The following RAP1GDS1 variants were observed in gnomAD, a reference collection of about 807,000 sequenced individuals.
The protein encoded by RAP1GDS1 is Rap1 GTPase-GDP dissociation stimulator 1, also known as RAP1, GTP-GDP dissociation stimulator 1.
In RAP1GDS1, 35 loss-of-function variants were observed where a neutral mutation model predicts 71.1. The ratio of observed to expected loss-of-function variants is 0.49; its 90% CI spans 0.38 to 0.65. RAP1GDS1 has a LOEUF of 0.65. Among genes scored for constraint, RAP1GDS1 ranks in the 30% least tolerant of loss-of-function variants. RAP1GDS1 has a pLI of 0.00. For synonymous variants in RAP1GDS1, 229 were observed against 243.1 expected (o/e 0.94, Z 0.54); for missense variants, 663 against 706.1 (o/e 0.94, Z 0.69).
intron 1 of RAP1GDS1, among the ~76,000 whole-genome samples, chr4:98,291,507 A>G (rs1726911530): frequency 6.6e-6 from 1 of 152,148 alleles, no homozygotes; most frequent in African/African-American, 2.4e-5. Flanking sequence ...ATTTACTGTC[A>G]TGGTTTGAAG....
intron 1 of RAP1GDS1, among the ~76,000 whole-genome samples, chr4:98,280,125 G>C (rs1363868044): frequency 1.3e-5 from 2 of 152,220 alleles, no homozygotes; most frequent in African/African-American, 4.8e-5. Context: ...TATATACCCA[G>C]TAATGGGATT....
intron 2 of RAP1GDS1, among the ~76,000 whole-genome samples, chr4:98,332,978 T>C (rs1734208928): frequency 6.6e-6 from 1 of 152,156 alleles, no homozygotes. Flanking sequence ...GCTTAGACTT[T>C]TTGTTTTGTC....
intron 1 of RAP1GDS1, among the ~76,000 whole-genome samples, chr4:98,276,966 A>T (rs1724304610): frequency 6.6e-6 from 1 of 152,164 alleles, no homozygotes; most frequent in Non-Finnish European, 1.5e-5. Flanking sequence ...GGAACTGAGG[A>T]TCAGTAAGAC....
chr4:98,334,833 T>C (rs1443511037), intron 2 of RAP1GDS1, among the ~76,000 whole-genome samples: 3 of 151,460 alleles, frequency 2.0e-5, no homozygotes, highest in Admixed American at 6.6e-5. Flanking sequence ...TTTAATACTT[T>C]TTTTTTTTTA....
rs759131538 is a variant in RAP1GDS1 at position 98,404,489 on chromosome 4, A to G, written c.650A>G (p.Glu217Gly). ...TTTTATTTTACAGAGTCAAGTAAAG[A>G]ACAGTTTGCCAGTACAAACATTGCT... is the stretch of plus-strand genomic sequence containing the variant. ...GNLAELESSK[E>G]QFASTNIAEE... is the part of the protein sequence containing the mutation. The change falls in exon 7 of 15, where the codon GAA becomes GGA. Residue 217 changes from glutamate to glycine, a missense_variant. Glu to Gly is a moderately conservative substitution (Grantham distance 98, BLOSUM62 -2). Transcript: ENST00000408927. 3 of 1,599,072 alleles carry G rather than the reference A, an allele frequency of 1.9e-6. No homozygotes were observed.
At chr4:98,389,473 T>C (rs1324428543) in intron 5 of RAP1GDS1, among the ~76,000 whole-genome samples, 2 of 152,130 alleles carry the variant, frequency 1.3e-5, no homozygotes, top group African/African-American at 4.8e-5. Flanking sequence ...CCACAGTGAG[T>C]TCATCCAACT....
chr4:98,373,877 G>A lies in RAP1GDS1; in HGVS notation c.362-5140G>A, dbSNP rs60969041. On this transcript the variant is annotated intron_variant, in intron 4 of 14. Coordinates refer to ENST00000408927, the MANE Select transcript of RAP1GDS1 (RefSeq NM_001100427.2). Reference sequence around the variant, plus strand: ...ACTTGAACACAAGCACTGCGATACCGTGACAGCTGATCTGACAGTTACTTA... The same window carrying A: ...ACTTGAACACAAGCACTGCGATACCATGACAGCTGATCTGACAGTTACTTA... 3.9e-3 allele frequency among the ~76,000 whole-genome samples: 593 copies of A among 152,204 alleles called. 7 individuals are homozygous for A. Among genetic ancestry groups the A allele is most frequent in the African/African-American group, 0.013 (560 of 41,530 alleles).
At chr4:98,270,987 G>C (rs886181823) in intron 1 of RAP1GDS1, among the ~76,000 whole-genome samples, 65 of 152,066 alleles carry the variant, frequency 4.3e-4, no homozygotes, top group African/African-American at 1.6e-3. Flanking sequence ...TATGGTATAT[G>C]ATGCATATAA....
At chr4:98,358,575 A>G (rs1411044274) in intron 4 of RAP1GDS1, among the ~76,000 whole-genome samples, 7 of 151,860 alleles carry the variant, frequency 4.6e-5, no homozygotes, top group Non-Finnish European at 8.8e-5. Context: ...TCCAAGTTCT[A>G]TTTCTTGAGA....
At chr4:98,352,786 A>G (rs759297145) in intron 4 of RAP1GDS1, among the ~76,000 whole-genome samples, 185 bp downstream of exon 4, 4 of 152,352 alleles carry the variant, frequency 2.6e-5, no homozygotes, top group Admixed American at 2.0e-4. Flanking sequence ...CAAAGAAATC[A>G]TAGGAAATGA....
chr4:98,273,098 C>T lies in RAP1GDS1; in HGVS notation c.4+11529C>T, dbSNP rs181629607. On this transcript the variant is annotated intron_variant, in intron 1 of 14. Transcript: ENST00000408927. ...TCGACTTCTCATCTTCCACTACCCTCCTCATCTAGGCTCTCGTCTCCTTTG... is the reference window on the plus strand; with the variant it reads ...TCGACTTCTCATCTTCCACTACCCTTCTCATCTAGGCTCTCGTCTCCTTTG... Among the ~76,000 whole-genome samples, 172 of 152,254 alleles carry T rather than the reference C, an allele frequency of 1.1e-3. 1 individual carries two copies. In the South Asian group the frequency reaches 0.018, roughly 16 times the overall value.
chr4:98,266,368 T>C (rs1024191467), intron 1 of RAP1GDS1, among the ~76,000 whole-genome samples: 3 of 152,140 alleles, frequency 2.0e-5, no homozygotes, highest in Non-Finnish European at 4.4e-5. Context: ...AATGGTTTTA[T>C]CACTTTTACT....
chr4:98,381,561 A>G (rs1742027899), intron 5 of RAP1GDS1, among the ~76,000 whole-genome samples: 1 of 151,610 alleles, frequency 6.6e-6, no homozygotes, highest in Non-Finnish European at 1.5e-5. Context: ...GTGTACCTAG[A>G]TAAGTCCCTG....
intron 1 of RAP1GDS1, among the ~76,000 whole-genome samples, chr4:98,290,852 A>T (rs761448379): frequency 6.6e-6 from 1 of 152,084 alleles, no homozygotes; most frequent in Non-Finnish European, 1.5e-5. Flanking sequence ...GGAGGACAGA[A>T]GGAAAGAGCA....
At chr4:98,374,830 G>A (rs1187422890) in intron 4 of RAP1GDS1, among the ~76,000 whole-genome samples, 5 of 152,024 alleles carry the variant, frequency 3.3e-5, no homozygotes, top group East Asian at 3.9e-4. Context: ...ACCCGTTCCC[G>A]CACAGCTGTG....
chr4:98,347,839 A>G (rs574802112), intron 3 of RAP1GDS1, among the ~76,000 whole-genome samples: 8 of 152,212 alleles, frequency 5.3e-5, no homozygotes, highest in Non-Finnish European at 1.0e-4. Flanking sequence ...GTCAGAATCC[A>G]GCCAGCTGTG....
chr4:98,402,544 A>G (rs935081215), intron 6 of RAP1GDS1, among the ~76,000 whole-genome samples: 1 of 152,136 alleles, frequency 6.6e-6, no homozygotes, highest in African/African-American at 2.4e-5. Context: ...AAAGAATCAT[A>G]CTTAAAGTCT....
At chr4:98,336,921 G>A (rs1295377537) in intron 2 of RAP1GDS1, among the ~76,000 whole-genome samples, 3 of 151,986 alleles carry the variant, frequency 2.0e-5, no homozygotes, top group Admixed American at 1.3e-4. Context: ...TTGAGGCAGA[G>A]TCTCGCTTTG....
chr4:98,354,798 G>A (rs199661040), intron 4 of RAP1GDS1, among the ~76,000 whole-genome samples: 1 of 151,986 alleles, frequency 6.6e-6, no homozygotes, highest in Admixed American at 6.6e-5. Context: ...ATTAAGCATA[G>A]TAAATACAGC....
Sources: gnomAD v4.1 joint callset for allele counts (sites outside exome capture counted in the v4.1 genomes callset) on GRCh38, gnomAD v4.1.1 for gene constraint, MANE v1.5 for transcripts, NCBI Gene and HGNC (gene_info 2026-07-23, HGNC 2026-07-21) for gene names.